IL1R1: variants seen among roughly 807,000 people sequenced by gnomAD.
IL1R1 encodes interleukin-1 receptor type 1.
A neutral mutation model predicts 50.2 loss-of-function variants in IL1R1; 22 were observed. That is an observed-to-expected ratio of 0.44 (90% CI 0.31 to 0.63). The LOEUF (loss-of-function observed/expected upper bound fraction) is 0.63, where lower values mean the gene tolerates loss of function less well. Among genes scored for constraint, IL1R1 ranks in the 20% least tolerant of loss-of-function variants. The pLI, the probability that IL1R1 is intolerant of heterozygous loss-of-function variation, is 0.07. For synonymous variants in IL1R1, 251 were observed against 236.7 expected, an observed-to-expected ratio of 1.06 and a Z score of -0.55; for missense variants, 509 against 676.2, an observed-to-expected ratio of 0.75 and a Z score of 2.74.
chr2:102,111,977 G>A (rs13415376), intron 1 of IL1R1, among the ~76,000 whole-genome samples: 4,036 of 152,268 alleles, frequency 0.027, 189 homozygotes, highest in African/African-American at 0.09. Flanking sequence ...GGCTCTCTGT[G>A]CTCAGAATAG....
At chr2:102,115,869 AG>A (rs1681042669) in intron 1 of IL1R1, among the ~76,000 whole-genome samples, 1 of 152,196 alleles carries the variant, frequency 6.6e-6, no homozygotes, top group African/African-American at 2.4e-5. Flanking sequence ...ACATTCCAAA[AG>A]GTAGGATCAA....
At chr2:102,128,272 A>G (rs1681836109) in intron 1 of IL1R1, among the ~76,000 whole-genome samples, 1 of 152,208 alleles carries the variant, frequency 6.6e-6, no homozygotes, top group African/African-American at 2.4e-5. Context: ...TTTATGCCTA[A>G]TGAAGCTCCA....
chr2:102,103,325 TGAAAACTG>T (rs1680229354), upstream of IL1R1, among the ~76,000 whole-genome samples: 1 of 151,452 alleles, frequency 6.6e-6, no homozygotes, highest in Non-Finnish European at 1.5e-5. Flanking sequence ...CAAATGGCGG[TGAAAACTG>T]GAAAGAAGGG....
intron 1 of IL1R1, among the ~76,000 whole-genome samples, chr2:102,112,077 C>G (rs1238195321): frequency 6.6e-6 from 1 of 151,856 alleles, no homozygotes; most frequent in African/African-American, 2.4e-5. Context: ...CACCCTGGTT[C>G]CATGATGATG....
intron 1 of IL1R1, among the ~76,000 whole-genome samples, chr2:102,146,380 A>G (rs575910286): frequency 6.6e-6 from 1 of 152,370 alleles, no homozygotes; most frequent in East Asian, 1.9e-4. Flanking sequence ...TAAAAAATCA[A>G]TGTAATACTT....
intron 1 of IL1R1, among the ~76,000 whole-genome samples, chr2:102,116,407 C>A (rs1681073676): frequency 2.0e-5 from 3 of 152,166 alleles, no homozygotes; most frequent in African/African-American, 7.2e-5. Context: ...ACTGCTTTTG[C>A]TTTTCCTTTT....
intron 1 of IL1R1, among the ~76,000 whole-genome samples, chr2:102,130,005 A>T (rs891327840): frequency 6.6e-6 from 1 of 152,238 alleles, no homozygotes; most frequent in Non-Finnish European, 1.5e-5. Flanking sequence ...AATTATTTTT[A>T]AAAAACGAAA....
intron 1 of IL1R1, among the ~76,000 whole-genome samples, chr2:102,094,444 A>G (rs1180916062): frequency 6.6e-6 from 1 of 152,234 alleles, no homozygotes; most frequent in Non-Finnish European, 1.5e-5. Flanking sequence ...ACACAGAAGC[A>G]AAAGTCAAAT....
chr2:102,125,972 G>A (rs1237111649), intron 1 of IL1R1, among the ~76,000 whole-genome samples: 1 of 152,136 alleles, frequency 6.6e-6, no homozygotes, highest in East Asian at 1.9e-4. Context: ...AATCAAAGAA[G>A]AAAATAGTGT....
rs146972001 is a variant in IL1R1 at position 102,071,641 on chromosome 2, A to G, written c.-84+1108A>G. 6.7e-4 allele frequency among the ~76,000 whole-genome samples: 102 copies of G among 152,278 alleles called. No homozygotes were observed. In the East Asian group the frequency reaches 0.015, roughly 22 times the overall value. On this transcript the variant is annotated intron_variant, in intron 1 of 11. Coordinates refer to the IL1R1 transcript ENST00000409929. ...GAGTGGGTTCCATACTACTAGCATA[A>G]TATTTGGCATTTCCCTGTATGTCCC...
At chr2:102,114,320 A>G (rs916214933) in intron 1 of IL1R1, among the ~76,000 whole-genome samples, 1 of 152,240 alleles carries the variant, frequency 6.6e-6, no homozygotes. Context: ...CGTGGAATGC[A>G]TGGGGAAACC....
intron 1 of IL1R1, among the ~76,000 whole-genome samples, chr2:102,147,905 A>G (rs1020635477): frequency 2.0e-5 from 3 of 152,232 alleles, no homozygotes; most frequent in Non-Finnish European, 4.4e-5. Flanking sequence ...ATAAAAATAA[A>G]ACTTTCCTTC....
chr2:102,175,530 G>A lies in IL1R1; in HGVS notation c.1188G>A (p.Gly396=). The change falls in exon 11 of 12, where the codon GGG becomes GGA. Residue 396 remains glycine (G), a synonymous_variant. Transcript: ENST00000410023. ...DAYILYPKTV[G]EGSTSDCDIF... is the part of the protein sequence containing the mutation. ...ATATACTGTATCCAAAGACTGTTGG[G>A]GAAGGGTCTACCTCTGACTGTGATA... The A allele has an allele frequency of 6.2e-7, 1 of 1,613,418 alleles. No individual in the cohort carries two copies. The highest frequency in any genetic ancestry group is 2.2e-5 in the East Asian group (1 of 44,840).
intron 7 of IL1R1, 136 bp from the exon 8 acceptor site, chr2:102,171,665 G>A (rs3917304): frequency 4.4e-5 from 18 of 409,162 alleles, no homozygotes; most frequent in Non-Finnish European, 7.0e-5. Flanking sequence ...GTTTTCTCTG[G>A]GTGGTGGGTT....
intron 1 of IL1R1, among the ~76,000 whole-genome samples, chr2:102,133,159 G>T (rs1367247168): frequency 6.7e-6 from 1 of 148,946 alleles, no homozygotes; most frequent in Non-Finnish European, 1.5e-5. Flanking sequence ...CAAGAGAATG[G>T]CATGAACCCA....
Position 102,164,908 on chromosome 2 carries a change from G to A in IL1R1, c.196G>A (p.Val66Ile). The A allele has an allele frequency of 6.2e-7, 1 of 1,614,084 alleles. No individual in the cohort carries two copies. The highest frequency in any genetic ancestry group is 8.5e-7 in the Non-Finnish European group (1 of 1,179,972). The stretch of plus-strand genomic sequence containing the variant: ...GTATAAAGATGACAGCAAGACACCT[G>A]TATCTACAGAACAAGCCTCCAGGAT... ...TWYKDDSKTP[V>I]STEQASRIHQ... The change falls in exon 4 of 12, where the codon GTA (valine) becomes ATA (isoleucine). Residue 66 changes from valine to isoleucine, a missense_variant. Coordinates refer to ENST00000410023, the MANE Select transcript of IL1R1 (RefSeq NM_000877.4).
upstream of IL1R1, among the ~76,000 whole-genome samples, chr2:102,099,655 T>C (rs1680056394): frequency 1.3e-5 from 2 of 152,220 alleles, no homozygotes; most frequent in Non-Finnish European, 2.9e-5. Flanking sequence ...TCTCCAGTGA[T>C]GACCTCCTTT....
chr2:102,155,136 A>T (rs1050386395), intron 2 of IL1R1, among the ~76,000 whole-genome samples: 1 of 152,242 alleles, frequency 6.6e-6, no homozygotes, highest in East Asian at 1.9e-4. Context: ...AAAGACATGA[A>T]TGGTTAACTG....
chr2:102,089,633 A>G (rs1245033300), intron 1 of IL1R1, among the ~76,000 whole-genome samples: 2 of 152,206 alleles, frequency 1.3e-5, no homozygotes, highest in African/African-American at 4.8e-5. Context: ...TCTGTGAGGT[A>G]CAATAAAGCA....
Sources: gnomAD v4.1 joint callset for allele counts (sites outside exome capture counted in the v4.1 genomes callset) on GRCh38, gnomAD v4.1.1 for gene constraint, MANE v1.5 for transcripts, NCBI Gene and HGNC (gene_info 2026-07-23, HGNC 2026-07-21) for gene names.